The following SLC39A11 variants were observed in gnomAD, a reference collection of about 807,000 sequenced individuals.
The protein encoded by SLC39A11 is solute carrier family 39 member 11, also known as zinc transporter ZIP11.
Under a neutral mutation model 36.1 loss-of-function variants are expected in SLC39A11, and 33 were observed. The ratio of observed to expected loss-of-function variants is 0.91; its 90% CI spans 0.69 to 1.22. The LOEUF is 1.22. SLC39A11 is among the 50% of genes most tolerant of loss of function. The probability of loss-of-function intolerance (pLI) is 0.00; values close to 1 mark genes in which losing one functional copy is unlikely to be tolerated. For missense variants in SLC39A11, 432 were observed against 430.3 expected (o/e 1.00, Z -0.03); for synonymous variants, 166 against 170.3 (o/e 0.97, Z 0.20).
chr17:72,869,870 C>A (rs946577815), intron 5 of SLC39A11, among the ~76,000 whole-genome samples: 7 of 152,118 alleles, frequency 4.6e-5, no homozygotes, highest in Non-Finnish European at 1.0e-4. Flanking sequence ...CTCTCCCCTA[C>A]CCCCAAGTAT....
intron 7 of SLC39A11, among the ~76,000 whole-genome samples, chr17:72,712,311 C>T (rs1303330979): frequency 6.6e-6 from 1 of 152,154 alleles, no homozygotes; most frequent in Non-Finnish European, 1.5e-5. Context: ...GCTAGCCTGC[C>T]GGGGGATAAC....
intron 4 of SLC39A11, among the ~76,000 whole-genome samples, chr17:72,971,499 G>C (rs2087452633): frequency 6.6e-6 from 1 of 152,094 alleles, no homozygotes; most frequent in East Asian, 1.9e-4. Flanking sequence ...TCTGGACTGG[G>C]AATGCATTTT....
intron 7 of SLC39A11, among the ~76,000 whole-genome samples, chr17:72,719,996 G>A (rs959280445): frequency 1.3e-5 from 2 of 152,196 alleles, no homozygotes; most frequent in African/African-American, 4.8e-5. Context: ...CAGGAAACTG[G>A]GGCGCAAAAG....
intron 6 of SLC39A11, among the ~76,000 whole-genome samples, chr17:72,812,077 C>T (rs1399330816): frequency 2.0e-5 from 3 of 152,166 alleles, no homozygotes; most frequent in Admixed American, 1.3e-4. Flanking sequence ...AATAAACTGT[C>T]TTTTTGTCTC....
intron 4 of SLC39A11, among the ~76,000 whole-genome samples, chr17:72,957,630 C>G (rs1029120250): frequency 3.9e-5 from 6 of 152,186 alleles, no homozygotes; most frequent in Non-Finnish European, 7.3e-5. Context: ...AACAGTCTGG[C>G]CAACATGGCA....
chr17:72,803,497 A>T (rs1306143914), intron 6 of SLC39A11, among the ~76,000 whole-genome samples: 1 of 152,240 alleles, frequency 6.6e-6, no homozygotes, highest in Non-Finnish European at 1.5e-5. Context: ...AAGTGGGGGA[A>T]GGCTGTGTGG....
intron 6 of SLC39A11, among the ~76,000 whole-genome samples, chr17:72,789,180 G>A (rs997578183): frequency 6.6e-6 from 1 of 152,092 alleles, no homozygotes; most frequent in African/African-American, 2.4e-5. Context: ...GACTACACGC[G>A]CACGCCACCA....
chr17:72,916,744 T>C (rs958133538), intron 5 of SLC39A11, among the ~76,000 whole-genome samples: 1 of 152,156 alleles, frequency 6.6e-6, no homozygotes, highest in Admixed American at 6.5e-5. Flanking sequence ...TATACCCTAT[T>C]CCTCTTTACC....
rs377143718 is a variant in SLC39A11, at chr17:72,976,038, C to T, written c.307-28163G>A. 3.3e-5 allele frequency among the ~76,000 whole-genome samples: 5 copies of T among 151,650 alleles called. No individual in the cohort carries two copies. The East Asian group carries it at 5.8e-4, about 18-fold the overall frequency. ...ACAAAAAATTAGCCGGGCGTGGTGG[C>T]GGGCACCTGTAGTCCCAGCTACTCG... is the stretch of plus-strand genomic sequence containing the variant. On this transcript the variant is annotated intron_variant, in intron 4 of 9. Coordinates refer to ENST00000255559, the MANE Select transcript of SLC39A11 (RefSeq NM_139177.4).
intron 7 of SLC39A11, among the ~76,000 whole-genome samples, chr17:72,705,050 G>A (rs1221407473): frequency 6.6e-6 from 1 of 152,200 alleles, no homozygotes; most frequent in East Asian, 1.9e-4. Context: ...GCAGAGACCT[G>A]ATGATATAAT....
chr17:72,889,219 A>G (rs2081593674), intron 5 of SLC39A11, among the ~76,000 whole-genome samples: 1 of 152,180 alleles, frequency 6.6e-6, no homozygotes. Context: ...AATATTATAT[A>G]AAATATATTA....
At chr17:72,868,782 T>C (rs1390043202) in intron 5 of SLC39A11, among the ~76,000 whole-genome samples, 1 of 151,974 alleles carries the variant, frequency 6.6e-6, no homozygotes, top group Non-Finnish European at 1.5e-5. Flanking sequence ...CACTCCAACC[T>C]GGGTGACAGA....
At chr17:72,886,569 T>A (rs1455684350) in intron 5 of SLC39A11, among the ~76,000 whole-genome samples, 1 of 152,206 alleles carries the variant, frequency 6.6e-6, no homozygotes, top group Non-Finnish European at 1.5e-5. Context: ...AAACTGCTGA[T>A]CTGGATTCCA....
At chr17:73,053,577 T>C (rs1382132853) in intron 3 of SLC39A11, among the ~76,000 whole-genome samples, 2 of 152,218 alleles carry the variant, frequency 1.3e-5, no homozygotes, top group Non-Finnish European at 2.9e-5. Flanking sequence ...AGTACTATCA[T>C]CTCCATTTTA....
intron 5 of SLC39A11, among the ~76,000 whole-genome samples, chr17:72,859,507 G>T (rs796577786): frequency 6.6e-6 from 1 of 151,064 alleles, no homozygotes; most frequent in Non-Finnish European, 1.5e-5. Flanking sequence ...TGCAGATCCC[G>T]CTTGGGAACC....
chr17:72,870,903 T>C (rs1050103995), intron 5 of SLC39A11, among the ~76,000 whole-genome samples: 1 of 152,224 alleles, frequency 6.6e-6, no homozygotes. Context: ...TTACATATTT[T>C]GGTCTTCATC....
chr17:72,739,667 C>A (rs1667875533), intron 6 of SLC39A11, among the ~76,000 whole-genome samples: 1 of 152,166 alleles, frequency 6.6e-6, no homozygotes, highest in Admixed American at 6.5e-5. Flanking sequence ...ACGTGCACAC[C>A]TTAGCAGCCC....
At chr17:72,760,386 C>T (rs1050812951) in intron 6 of SLC39A11, among the ~76,000 whole-genome samples, 3 of 152,236 alleles carry the variant, frequency 2.0e-5, no homozygotes, top group Non-Finnish European at 2.9e-5. Flanking sequence ...AAACCATCTG[C>T]TTCCTGTAGA....
intron 4 of SLC39A11, among the ~76,000 whole-genome samples, chr17:73,026,743 T>A (rs1195507915): frequency 6.6e-6 from 1 of 151,940 alleles, no homozygotes. Context: ...AATAAAGAAT[T>A]GACCTTGGGG....
Sources: allele counts gnomAD v4.1 joint callset (sites outside exome capture counted in the v4.1 genomes callset), GRCh38; gene constraint gnomAD v4.1.1; transcripts MANE v1.5; gene names NCBI Gene and HGNC (gene_info 2026-07-23, HGNC 2026-07-21).